BCL7A: variants seen among roughly 807,000 people sequenced by gnomAD.
The protein encoded by BCL7A is B-cell CLL/lymphoma 7 protein family member A.
A neutral mutation model predicts 28.4 loss-of-function variants in BCL7A; 11 were observed. That is an observed-to-expected ratio of 0.39 (90% CI 0.24 to 0.64). The LOEUF is 0.64. BCL7A is among the 30% of genes least tolerant of loss of function. The probability of loss-of-function intolerance (pLI) is 0.50; values close to 1 mark genes in which losing one functional copy is unlikely to be tolerated. For synonymous variants in BCL7A, 123 were observed against 103.3 expected (o/e 1.19, Z -1.15); for missense variants, 222 against 274.8 (o/e 0.81, Z 1.36).
chr12:122,034,241 A>ATATC (rs1883804243), intron 2 of BCL7A, among the ~76,000 whole-genome samples: 1 of 79,374 alleles, frequency 1.3e-5, no homozygotes, highest in East Asian at 4.2e-4. Flanking sequence ...ATATATATAT[A>ATATC]TATCTTGGCG....
Position 122,049,034 on chromosome 12 carries a change from AAAT to A in BCL7A, c.439+4983_439+4985del, listed in dbSNP as rs1219905775. On this transcript the variant is annotated intron_variant, in intron 4 of 5. Transcript: ENST00000261822. ...GAAACGTGTAAAAAAAAAAAAAAAA[AAAT>A]ATATATATATATATATACATATACA... Among the ~76,000 whole-genome samples the A allele has an allele frequency of 7.2e-3, 409 of 56,788 alleles. 1 individual carries two copies. Among genetic ancestry groups the A allele is most frequent in the African/African-American group, 0.028 (368 of 13,250 alleles). 37.3% of individuals were successfully genotyped at this position (56,788 alleles called of 152,430 possible).
intron 4 of BCL7A, among the ~76,000 whole-genome samples, chr12:122,045,615 T>C (rs1247009856): frequency 2.0e-5 from 3 of 151,982 alleles, no homozygotes; most frequent in Admixed American, 6.6e-5. Flanking sequence ...TTATTTTGAG[T>C]CTCTACAGAA....
intron 5 of BCL7A, among the ~76,000 whole-genome samples, chr12:122,057,704 C>A (rs993143802): frequency 2.0e-5 from 3 of 152,156 alleles, no homozygotes; most frequent in Non-Finnish European, 2.9e-5. Context: ...AGTGTTAAAC[C>A]TTTTCTGGTG....
chr12:122,021,926 G>GAA lies in BCL7A; in HGVS notation c.-166_-165insAA. 1 of 404,134 alleles carries GAA rather than the reference G, an allele frequency of 2.5e-6. No individual in the cohort carries two copies. The highest frequency in any genetic ancestry group is 2.9e-5 in the South Asian group (1 of 34,804). The allele number at this position is 404,134 out of a possible 1,614,324, so 25.0% of individuals were successfully genotyped here. ...CGGCGGCCCCGGGCTTTGTGTGTGT[G>GAA]TGTATGTGTGTGTGTGTGTGTGTGT... On this transcript the variant is annotated 5_prime_UTR_variant, in exon 1 of 6. The change creates a new upstream start codon in the 5' untranslated region. Transcript: ENST00000261822.
At position 122,060,035 on chromosome 12, in the gene BCL7A, C is replaced by T. The variant is rs1011171711; in HGVS notation, c.*872C>T. 2.6e-5 allele frequency: 6 copies of T among 233,394 alleles called. No homozygotes were observed. Among genetic ancestry groups the T allele is most frequent in the African/African-American group, 6.6e-5 (3 of 45,308 alleles). 14.5% of individuals were successfully genotyped at this position (233,394 alleles called of 1,614,324 possible). Reference sequence around the variant, plus strand: ...CCATCACTGCTTTCTCCCAGACCTCCGAATACGAAATGGCTTCTCTGGCTG... The same window carrying T: ...CCATCACTGCTTTCTCCCAGACCTCTGAATACGAAATGGCTTCTCTGGCTG... On this transcript the variant is annotated 3_prime_UTR_variant, in exon 6 of 6. Transcript: ENST00000261822.
chr12:122,036,951 G>A (rs577493888), intron 3 of BCL7A, among the ~76,000 whole-genome samples: 6 of 152,240 alleles, frequency 3.9e-5, no homozygotes, highest in South Asian at 2.1e-4. Flanking sequence ...TCGAACGCCC[G>A]CCTTGGCCTC....
chr12:122,021,958 G>T lies in BCL7A; in HGVS notation c.-134G>T. ...TGTGTGTGTGTGTGTGTGTGTGTGTGAGTGTGTGCGTGTGAGAGTGCGAGT... is the reference window on the plus strand; with the variant it reads ...TGTGTGTGTGTGTGTGTGTGTGTGTTAGTGTGTGCGTGTGAGAGTGCGAGT... On this transcript the variant is annotated 5_prime_UTR_variant, in exon 1 of 6. The change abolishes the stop of an existing upstream ORF in the 5' untranslated region. Coordinates refer to ENST00000261822, the MANE Select transcript of BCL7A (RefSeq NM_001024808.3). 1 of 603,038 alleles carries T rather than the reference G, an allele frequency of 1.7e-6. No individual in the cohort carries two copies. 37.4% of individuals were successfully genotyped at this position (603,038 alleles called of 1,614,324 possible).
At chr12:122,032,318 C>G (rs1396799783) in intron 2 of BCL7A, among the ~76,000 whole-genome samples, 2 of 152,208 alleles carry the variant, frequency 1.3e-5, no homozygotes, top group East Asian at 1.9e-4. Context: ...GCCTTGGTCT[C>G]TCTCCGCATC....
Position 122,060,831 on chromosome 12 carries a change from G to T in BCL7A, c.*1668G>T, listed in dbSNP as rs1186313000. On this transcript the variant is annotated 3_prime_UTR_variant, in exon 6 of 6. Transcript: ENST00000261822. Reference sequence around the variant, plus strand: ...GGATCCTGTCTATTTCCTGCACTTCGAGAAGAATCAAAATGTTCCTGAATT... The same window carrying T: ...GGATCCTGTCTATTTCCTGCACTTCTAGAAGAATCAAAATGTTCCTGAATT... 4.5e-6 allele frequency: 1 copy of T among 224,500 alleles called. No individual in the cohort carries two copies. The highest frequency in any genetic ancestry group is 8.8e-6 in the Non-Finnish European group (1 of 113,842). The allele number at this position is 224,500 out of a possible 1,614,324, so 13.9% of individuals were successfully genotyped here.
rs886107049 is a variant in BCL7A at position 122,058,999 on chromosome 12, G to C, written c.562-93G>C. 2.7e-6 allele frequency: 3 copies of C among 1,120,846 alleles called. No homozygotes were observed. The African/African-American group carries it at 4.6e-5, about 17-fold the overall frequency. 69.4% of individuals were successfully genotyped at this position (1,120,846 alleles called of 1,614,324 possible). Reference sequence around the variant, plus strand: ...CTGAACCACAAAGCCGCCCCCGCTCGGTTCCTTCCTTGGCTGACCTTCGGC... The same window carrying C: ...CTGAACCACAAAGCCGCCCCCGCTCCGTTCCTTCCTTGGCTGACCTTCGGC... On this transcript the variant is annotated intron_variant, in intron 5 of 5. Coordinates refer to ENST00000261822, the MANE Select transcript of BCL7A (RefSeq NM_001024808.3).
chr12:122,022,567 C>T (rs1403599481), intron 1 of BCL7A, among the ~76,000 whole-genome samples: 1 of 145,164 alleles, frequency 6.9e-6, no homozygotes, highest in Non-Finnish European at 1.5e-5. Flanking sequence ...CGGCTTCCCG[C>T]GCGCCGGGGC....
At chr12:122,043,330 C>T (rs1246489568) in intron 3 of BCL7A, among the ~76,000 whole-genome samples, 2 of 145,508 alleles carry the variant, frequency 1.4e-5, no homozygotes, top group African/African-American at 2.5e-5. Context: ...ACAGTTGGCT[C>T]AGTGTGGGGA....
chr12:122,057,914 G>T (rs1485157583), intron 5 of BCL7A, among the ~76,000 whole-genome samples: 1 of 152,118 alleles, frequency 6.6e-6, no homozygotes, highest in African/African-American at 2.4e-5. Context: ...AGATTGCCAG[G>T]CATCATGGCT....
At chr12:122,044,346 CAA>C (rs201881815) in intron 4 of BCL7A, 1,063 of 217,760 alleles carry the variant, frequency 4.9e-3, no homozygotes, top group East Asian at 0.031. Context: ...TCATCTCTAC[CAA>C]AAAAAAAAAA....
chr12:122,031,713 A>G (rs765496094), intron 2 of BCL7A, among the ~76,000 whole-genome samples: 1 of 152,076 alleles, frequency 6.6e-6, no homozygotes, highest in Admixed American at 6.5e-5. Flanking sequence ...CCCCGGTGCT[A>G]GGAAAGCCTG....
At chr12:122,046,904 G>GTTT (rs746529090) in intron 4 of BCL7A, among the ~76,000 whole-genome samples, 3 of 138,880 alleles carry the variant, frequency 2.2e-5, no homozygotes, top group Admixed American at 7.3e-5. Context: ...TATTTCTTGG[G>GTTT]TTTTTTTTTT....
chr12:122,050,654 C>T (rs1286699741), intron 4 of BCL7A, among the ~76,000 whole-genome samples: 1 of 152,160 alleles, frequency 6.6e-6, no homozygotes, highest in African/African-American at 2.4e-5. Flanking sequence ...CACCCTCCTA[C>T]TTCCTTGTTT....
intron 3 of BCL7A, among the ~76,000 whole-genome samples, chr12:122,037,684 C>T (rs575256662): frequency 1.3e-5 from 2 of 152,086 alleles, no homozygotes; most frequent in Admixed American, 6.6e-5. Flanking sequence ...CGGTGGCTCA[C>T]GCTTGTAATC....
At chr12:122,050,102 G>A (rs1389476285) in intron 4 of BCL7A, among the ~76,000 whole-genome samples, 1 of 152,090 alleles carries the variant, frequency 6.6e-6, no homozygotes, top group African/African-American at 2.4e-5. Context: ...TCAGCCTCAC[G>A]AGTAGCTGGG....
Sources: gnomAD v4.1 joint callset for allele counts (sites outside exome capture counted in the v4.1 genomes callset) on GRCh38, gnomAD v4.1.1 for gene constraint, MANE v1.5 for transcripts, NCBI Gene and HGNC (gene_info 2026-07-23, HGNC 2026-07-21) for gene names.